Variants in GRIK4 observed in about 807,000 individuals in gnomAD.
The protein encoded by GRIK4 is glutamate ionotropic receptor kainate type subunit 4, also known as glutamate receptor ionotropic, kainate 4.
In GRIK4, 40 loss-of-function variants were observed where a neutral mutation model predicts 104.9. The observed-to-expected ratio is 0.38, with a 90% CI of 0.30 to 0.50. GRIK4 has a LOEUF of 0.50. GRIK4 is among the 20% of genes least tolerant of loss of function. GRIK4 has a pLI of 0.93. For missense variants in GRIK4, 1,047 were observed against 1,308.1 expected, an observed-to-expected ratio of 0.80 and a Z score of 3.08; for synonymous variants, 485 against 524.9, an observed-to-expected ratio of 0.92 and a Z score of 1.04.
At position 120,967,658 on chromosome 11, in the gene GRIK4, C is replaced by T. The variant is rs1944407512; in HGVS notation, c.2395+335C>T. Among the ~76,000 whole-genome samples, 1 of 152,184 alleles carries T rather than the reference C, an allele frequency of 6.6e-6. No homozygotes were observed. Among genetic ancestry groups the T allele is most frequent in the African/African-American group, 2.4e-5 (1 of 41,434 alleles). On this transcript the variant is annotated intron_variant, in intron 19 of 20. Coordinates refer to ENST00000527524, the MANE Select transcript of GRIK4 (RefSeq NM_014619.5). The surrounding 1 kb of genome is among the most constrained non-coding windows in gnomAD (Gnocchi z 4.2). ...TCACAGTCGCCTGGTTTCAGTTTCC[C>T]ATTCTTGCGTCTCTACAGTATATTC...
intron 3 of GRIK4, among the ~76,000 whole-genome samples, chr11:120,787,138 T>G (rs1952295133): frequency 7.0e-6 from 1 of 142,772 alleles, no homozygotes; most frequent in South Asian, 2.1e-4. Flanking sequence ...GGCAACATAG[T>G]AGGACTCTTT....
intron 11 of GRIK4, among the ~76,000 whole-genome samples, chr11:120,892,192 G>A (rs896596523): frequency 1.3e-5 from 2 of 152,164 alleles, no homozygotes; most frequent in Non-Finnish European, 2.9e-5. Flanking sequence ...GAACGCGGGA[G>A]GAAGGTAGGT....
At chr11:120,731,942 C>CT (rs1303479047) in intron 3 of GRIK4, among the ~76,000 whole-genome samples, 2 of 151,982 alleles carry the variant, frequency 1.3e-5, no homozygotes, top group African/African-American at 2.4e-5. Flanking sequence ...GATCTTCTTT[C>CT]TTTTTTTCCT....
rs12290833 is a variant in GRIK4 at position 120,652,725 on chromosome 11, G to A, written c.-158-960G>A. On this transcript the variant is annotated intron_variant, in intron 1 of 20. Transcript: ENST00000527524. ...TCTGATCCCCTCTACCCTTCCTGCC[G>A]CCCCACAGAGACTGGTGGCTATCAG... 5.7e-3 allele frequency among the ~76,000 whole-genome samples: 871 copies of A among 152,118 alleles called. 6 individuals carry two copies. Among genetic ancestry groups the A allele is most frequent in the African/African-American group, 0.019 (792 of 41,496 alleles).
rs146762476 is a variant in GRIK4 at position 120,813,627 on chromosome 11, G to C, written c.248-1751G>C. Among the ~76,000 whole-genome samples the C allele has an allele frequency of 1.3e-4, 20 of 152,268 alleles. No individual in the cohort carries two copies. The East Asian group carries it at 3.7e-3, about 28-fold the overall frequency. On this transcript the variant is annotated intron_variant, in intron 4 of 20. Coordinates refer to ENST00000527524, the MANE Select transcript of GRIK4 (RefSeq NM_014619.5). The stretch of plus-strand genomic sequence containing the variant: ...TTCATATGGTAAATTGCAATGCTGG[G>C]ATTTGAACCCTGGTGTTCTGCCTTG...
chr11:120,644,413 A>T (rs1949514935), intron 1 of GRIK4, among the ~76,000 whole-genome samples: 1 of 152,168 alleles, frequency 6.6e-6, no homozygotes, highest in Non-Finnish European at 1.5e-5. Context: ...TCTCATTTGA[A>T]ACTGCAAATA....
intron 3 of GRIK4, among the ~76,000 whole-genome samples, chr11:120,738,314 A>G (rs896541615): frequency 4.2e-4 from 64 of 152,240 alleles, no homozygotes; most frequent in African/African-American, 1.4e-3. Flanking sequence ...AGTGGTGGCA[A>G]TAGCCTAGCA....
chr11:120,601,956 T>TAACCC (rs1948893587), intron 1 of GRIK4, among the ~76,000 whole-genome samples: 1 of 152,126 alleles, frequency 6.6e-6, no homozygotes, highest in African/African-American at 2.4e-5. Context: ...CCCTAGGCTA[T>TAACCC]CAGTGACCCC....
chr11:120,712,357 C>T (rs1950750473), intron 3 of GRIK4, among the ~76,000 whole-genome samples: 1 of 152,166 alleles, frequency 6.6e-6, no homozygotes, highest in South Asian at 2.1e-4. Flanking sequence ...GGCCTGCTGG[C>T]CTAGGAAGGA....
At position 120,718,134 on chromosome 11, in the gene GRIK4, T is replaced by C. The variant is rs191187441; in HGVS notation, c.82+57734T>C. Among the ~76,000 whole-genome samples the C allele has an allele frequency of 4.6e-5, 7 of 152,248 alleles. No homozygotes were observed. The East Asian group carries it at 1.4e-3, about 29-fold the overall frequency. The stretch of plus-strand genomic sequence containing the variant: ...GAAGCCTGACTTCTCCCTCCTGCCA[T>C]CTTCCCTCTCTTCCAGGGTGTTCCT... On this transcript the variant is annotated intron_variant, in intron 3 of 20. Transcript: ENST00000527524.
chr11:120,529,043 CCT>C (rs1444288819), intron 1 of GRIK4, among the ~76,000 whole-genome samples: 1 of 152,170 alleles, frequency 6.6e-6, no homozygotes, highest in East Asian at 1.9e-4. Context: ...CCTTCCACCT[CCT>C]CTCCTTCTCT....
chr11:120,734,666 C>A (rs1951191726), intron 3 of GRIK4, among the ~76,000 whole-genome samples: 1 of 152,054 alleles, frequency 6.6e-6, no homozygotes, highest in African/African-American at 2.4e-5. Context: ...TCTTTAAGGC[C>A]AATAACTCAG....
At chr11:120,650,795 G>A (rs7128690) in intron 1 of GRIK4, among the ~76,000 whole-genome samples, 4 of 152,246 alleles carry the variant, frequency 2.6e-5, no homozygotes, top group South Asian at 2.1e-4. Context: ...TGCTTTGACC[G>A]GTCTTGGGTA....
intron 1 of GRIK4, among the ~76,000 whole-genome samples, chr11:120,552,593 A>G (rs1027163010): frequency 3.3e-5 from 5 of 152,322 alleles, no homozygotes; most frequent in African/African-American, 1.2e-4. Context: ...TGAAAATGCA[A>G]GGAGTCAAAC....
chr11:120,703,331 C>A (rs1178009602), intron 3 of GRIK4, among the ~76,000 whole-genome samples: 1 of 152,180 alleles, frequency 6.6e-6, no homozygotes, highest in African/African-American at 2.4e-5. Context: ...CTACCCTCTG[C>A]TTCCCAAGAA....
chr11:120,615,233 A>G (rs949261955), intron 1 of GRIK4, among the ~76,000 whole-genome samples: 11 of 152,162 alleles, frequency 7.2e-5, no homozygotes, highest in Middle Eastern at 3.2e-3. Flanking sequence ...AGGCCGATTG[A>G]GGCCCTGAAC....
intron 3 of GRIK4, among the ~76,000 whole-genome samples, chr11:120,742,381 A>G (rs1184172765): frequency 6.6e-6 from 1 of 151,382 alleles, no homozygotes; most frequent in Non-Finnish European, 1.5e-5. Context: ...AAGGACATGG[A>G]CACTTCAAAA....
At chr11:120,934,852 T>C (rs150943745) in intron 13 of GRIK4, among the ~76,000 whole-genome samples, 1 of 152,306 alleles carries the variant, frequency 6.6e-6, no homozygotes, top group African/African-American at 2.4e-5. Flanking sequence ...TCACCTGTCC[T>C]TTTCTTTCTC....
chr11:120,861,456 A>G (rs1330931526), intron 8 of GRIK4, among the ~76,000 whole-genome samples: 2 of 152,098 alleles, frequency 1.3e-5, no homozygotes, highest in African/African-American at 2.4e-5. Flanking sequence ...GTAGAATCAC[A>G]CTTTAAGAAG....
Sources: gnomAD v4.1 joint callset for allele counts (sites outside exome capture counted in the v4.1 genomes callset) on GRCh38, gnomAD v4.1.1 for gene constraint, Gnocchi (gnomAD v3.1) non-coding constraint, MANE v1.5 for transcripts, NCBI Gene and HGNC (gene_info 2026-07-23, HGNC 2026-07-21) for gene names.